Variants in BAALC observed in about 807,000 individuals in gnomAD.
BAALC encodes the protein brain and acute leukemia cytoplasmic protein.
In BAALC, 9 loss-of-function variants were observed where a neutral mutation model predicts 15.5. That is an observed-to-expected ratio of 0.58 (90% CI 0.35 to 1.02). BAALC has a LOEUF of 1.02. Among genes scored for constraint, BAALC ranks in the 50% least tolerant of loss-of-function variants. The probability of loss-of-function intolerance (pLI) is 0.02; values close to 1 mark genes in which losing one functional copy is unlikely to be tolerated. For synonymous variants in BAALC, 80 were observed against 74.6 expected, an observed-to-expected ratio of 1.07 and a Z score of -0.37; for missense variants, 201 against 192.4, an observed-to-expected ratio of 1.04 and a Z score of -0.27.
At position 103,141,032 on chromosome 8, in the gene BAALC, C is replaced by T. The variant is rs1810760654; in HGVS notation, c.135C>T (p.Gly45=). The change falls in exon 1 of 3, where the codon GGC becomes GGT. Residue 45 remains glycine, a synonymous_variant. Coordinates refer to ENST00000309982, the MANE Select transcript of BAALC (RefSeq NM_024812.3). The part of the protein sequence containing the change: ...APPSAAAPDS[G]PEAGGLHSGM... ...CCAGCGCCGCCGCCCCGGACAGCGG[C>T]CCCGAAGCGGGCGGCCTGCACTCGG... 3 of 1,509,278 alleles carry T rather than the reference C, an allele frequency of 2.0e-6. No homozygotes were observed. The East Asian group carries it at 8.4e-5, about 42-fold the overall frequency. The allele number at this position is 1,509,278 out of a possible 1,614,324, so 93.5% of individuals were successfully genotyped here. A position where few individuals can be genotyped will look rare whatever the true frequency, so the allele number is the denominator to read the frequency against.
chr8:103,221,084 C>A (rs1438713087), intron 2 of BAALC, among the ~76,000 whole-genome samples: 1 of 152,192 alleles, frequency 6.6e-6, no homozygotes, highest in African/African-American at 2.4e-5. Flanking sequence ...GCTGTCCCAA[C>A]CTCCACAGGA....
At chr8:103,191,259 T>TG (rs1377310342) in intron 1 of BAALC, 1 of 150,272 alleles carries the variant, frequency 6.7e-6, no homozygotes, top group Non-Finnish European at 1.5e-5. Flanking sequence ...GAACAAAGAG[T>TG]GGGGAACCAC....
intron 2 of BAALC, among the ~76,000 whole-genome samples, chr8:103,221,052 C>A (rs1812666329): frequency 6.6e-6 from 1 of 152,176 alleles, no homozygotes; most frequent in Non-Finnish European, 1.5e-5. Flanking sequence ...AGTCTTGAAT[C>A]CAGGTCTCCA....
In BAALC at chr8:103,150,328, C is replaced by T. The variant is rs146763875; in HGVS notation, c.160+9271C>T. On this transcript the variant is annotated intron_variant, in intron 1 of 2. Transcript: ENST00000309982. ...CCAAACCATATCATGGATATAGAAA[C>T]ATGGCTGTGTGTGTGTGTGTGTGTC... 8.2e-4 allele frequency among the ~76,000 whole-genome samples: 106 copies of T among 129,992 alleles called. 1 individual carries two copies. Among genetic ancestry groups the T allele is most frequent in the African/African-American group, 2.8e-3 (103 of 36,954 alleles). 85.3% of individuals were successfully genotyped at this position (129,992 alleles called of 152,430 possible).
chr8:103,222,364 A>G (rs1458865771), intron 2 of BAALC, among the ~76,000 whole-genome samples: 1 of 152,222 alleles, frequency 6.6e-6, no homozygotes, highest in East Asian at 1.9e-4. Flanking sequence ...TCAAGAAAAT[A>G]TATTTTGGGG....
chr8:103,181,768 G>C (rs74433263), intron 1 of BAALC, among the ~76,000 whole-genome samples: 1 of 152,158 alleles, frequency 6.6e-6, no homozygotes, highest in Non-Finnish European at 1.5e-5. Context: ...TTTATTAGCA[G>C]TTTCTATGGG....
intron 2 of BAALC, among the ~76,000 whole-genome samples, chr8:103,222,975 G>A (rs1016224613): frequency 5.9e-5 from 9 of 152,172 alleles, no homozygotes; most frequent in Admixed American, 2.6e-4. Context: ...GTTTGCTGGG[G>A]CCTGAGTAGG....
At chr8:103,222,843 T>TAGC (rs1484125756) in intron 2 of BAALC, among the ~76,000 whole-genome samples, 9 of 152,208 alleles carry the variant, frequency 5.9e-5, no homozygotes, top group African/African-American at 2.2e-4. Context: ...GAAGTAGTAG[T>TAGC]AGCAGTAGTC....
At chr8:103,177,373 C>T (rs1472310062) in intron 1 of BAALC, among the ~76,000 whole-genome samples, 5 of 151,872 alleles carry the variant, frequency 3.3e-5, no homozygotes, top group Non-Finnish European at 2.9e-5. Flanking sequence ...TTTGTAGAGA[C>T]GGGGTCTTAC....
At chr8:103,204,680 C>A (rs1812290248) in intron 1 of BAALC, among the ~76,000 whole-genome samples, 1 of 152,136 alleles carries the variant, frequency 6.6e-6, no homozygotes, top group Non-Finnish European at 1.5e-5. Context: ...CTATTCTTTA[C>A]CCATTGAAGT....
In BAALC at chr8:103,205,728, AG is replaced by A. The variant is rs576810224; in HGVS notation, c.161-7189del. Among the ~76,000 whole-genome samples, 268 of 152,328 alleles carry A rather than the reference AG, an allele frequency of 1.8e-3. 2 individuals carry two copies. Among genetic ancestry groups the A allele is most frequent in the African/African-American group, 6.2e-3 (257 of 41,582 alleles). ...AGATCTGCATTTTAACAGACACCCCAGGTGAGTTTCATGTAGTTTCATGCAT... is the reference window on the plus strand; with the variant it reads ...AGATCTGCATTTTAACAGACACCCCAGTGAGTTTCATGTAGTTTCATGCAT... On this transcript the variant is annotated intron_variant, in intron 1 of 2. Coordinates refer to ENST00000309982, the MANE Select transcript of BAALC (RefSeq NM_024812.3).
chr8:103,192,435 A>G (rs1000221705), intron 1 of BAALC, among the ~76,000 whole-genome samples: 3 of 152,180 alleles, frequency 2.0e-5, no homozygotes, highest in African/African-American at 7.2e-5. Flanking sequence ...TCCTTTCTAA[A>G]TTGTTACTGA....
chr8:103,218,599 C>T (rs1026843359), intron 2 of BAALC, among the ~76,000 whole-genome samples: 38 of 151,964 alleles, frequency 2.5e-4, no homozygotes, highest in African/African-American at 8.9e-4. Flanking sequence ...TATTCAGCTA[C>T]AGTAAAAATG....
chr8:103,193,525 A>C (rs1050343595), intron 1 of BAALC, among the ~76,000 whole-genome samples: 1 of 152,186 alleles, frequency 6.6e-6, no homozygotes, highest in Non-Finnish European at 1.5e-5. Context: ...CTGTGAAATT[A>C]GCCCTGACCG....
chr8:103,170,475 T>G (rs1318219589), intron 1 of BAALC, among the ~76,000 whole-genome samples: 1 of 152,140 alleles, frequency 6.6e-6, no homozygotes, highest in Non-Finnish European at 1.5e-5. Flanking sequence ...CTGTTGTTCT[T>G]GTAAGAAAAA....
At chr8:103,160,587 G>A (rs1354173942) in intron 1 of BAALC, among the ~76,000 whole-genome samples, 2 of 152,004 alleles carry the variant, frequency 1.3e-5, no homozygotes, top group African/African-American at 4.8e-5. Context: ...TTTATTGCTG[G>A]GTGGCTGTAT....
chr8:103,183,155 A>C (rs1811763929), intron 1 of BAALC, among the ~76,000 whole-genome samples: 2 of 152,126 alleles, frequency 1.3e-5, no homozygotes, highest in Admixed American at 1.3e-4. Context: ...GAGCTGGGAG[A>C]GCCAGGATTG....
At chr8:103,201,402 C>T (rs749743158) in intron 1 of BAALC, among the ~76,000 whole-genome samples, 1 of 152,048 alleles carries the variant, frequency 6.6e-6, no homozygotes, top group Non-Finnish European at 1.5e-5. Context: ...TGGGATTGTA[C>T]AGGTAAACAA....
intron 1 of BAALC, among the ~76,000 whole-genome samples, chr8:103,211,749 C>G (rs571856088): frequency 5.3e-5 from 8 of 152,244 alleles, no homozygotes; most frequent in Middle Eastern, 3.4e-3. Flanking sequence ...TTCAAAATAC[C>G]AGTCTTCTTA....
Sources: gnomAD v4.1 joint callset for allele counts (sites outside exome capture counted in the v4.1 genomes callset) on GRCh38, gnomAD v4.1.1 for gene constraint, MANE v1.5 for transcripts, NCBI Gene and HGNC (gene_info 2026-07-23, HGNC 2026-07-21) for gene names.